FGF7: variants seen among roughly 807,000 people sequenced by gnomAD.
FGF7 encodes FGF-7.
In FGF7, 6 loss-of-function variants were observed where a neutral mutation model predicts 20.5. That is an observed-to-expected ratio of 0.29 (90% CI 0.16 to 0.58). FGF7 has a LOEUF of 0.58. FGF7 is among the 20% of genes least tolerant of loss of function. The pLI, the probability that FGF7 is intolerant of heterozygous loss-of-function variation, is 0.90. For synonymous variants in FGF7, 64 were observed against 74.7 expected, an observed-to-expected ratio of 0.86 and a Z score of 0.74; for missense variants, 144 against 228.8, an observed-to-expected ratio of 0.63 and a Z score of 2.39.
Position 49,488,676 on chromosome 15 carries a change from T to A in FGF7, c.*4172T>A, listed in dbSNP as rs559236862. 7 of 152,176 alleles carry A rather than the reference T, an allele frequency of 4.6e-5. 1 individual carries two copies. In the South Asian group the frequency reaches 1.5e-3, roughly 32 times the overall value. 9.4% of individuals were successfully genotyped at this position (152,176 alleles called of 1,614,324 possible). On this transcript the variant is annotated 3_prime_UTR_variant, in exon 4 of 4. Transcript: ENST00000267843. ...TAATAATTGAAATGTGAGATGAAAA[T>A]AACATTTCACTTATGAAAAACCCTT... is the stretch of plus-strand genomic sequence containing the variant.
At chr15:49,431,684 G>A (rs7183666) in intron 2 of FGF7, among the ~76,000 whole-genome samples, 10,178 of 151,510 alleles carry the variant, frequency 0.067, 427 homozygotes, top group East Asian at 0.17. Context: ...TAAAGAGGAA[G>A]AAAATATCTT....
intron 2 of FGF7, among the ~76,000 whole-genome samples, chr15:49,446,991 T>A (rs2052280818): frequency 6.6e-6 from 1 of 151,482 alleles, no homozygotes; most frequent in Non-Finnish European, 1.5e-5. Flanking sequence ...TTGACAGGTA[T>A]AACCAGAACA....
intron 2 of FGF7, among the ~76,000 whole-genome samples, chr15:49,425,994 TG>T (rs1217088977): frequency 4.0e-5 from 6 of 151,514 alleles, no homozygotes; most frequent in Non-Finnish European, 5.9e-5. Flanking sequence ...AGATTTATCA[TG>T]GATAATATCA....
intron 2 of FGF7, among the ~76,000 whole-genome samples, chr15:49,434,227 T>C (rs1308558450): frequency 1.3e-5 from 2 of 151,742 alleles, no homozygotes; most frequent in Non-Finnish European, 2.9e-5. Context: ...AGGTGTTACA[T>C]AGTTTCCGCC....
rs376153029 is a variant in FGF7, at chr15:49,440,842, C to G, written c.286+16259C>G. Among the ~76,000 whole-genome samples, 23 of 151,778 alleles carry G rather than the reference C, an allele frequency of 1.5e-4. No homozygotes were observed. In the South Asian group the frequency reaches 4.6e-3, roughly 30 times the overall value. On this transcript the variant is annotated intron_variant, in intron 2 of 3. Transcript: ENST00000267843. ...TTGAGTTGTTTTGTTATATAACATT[C>G]TGAAGTTGATTACTGAGGTATTATT...
At chr15:49,428,811 C>T (rs1258707597) in intron 2 of FGF7, among the ~76,000 whole-genome samples, 1 of 151,938 alleles carries the variant, frequency 6.6e-6, no homozygotes, top group Admixed American at 6.6e-5. Flanking sequence ...CTGTTAGTTC[C>T]ATAGCAAGAA....
rs79535584 is a variant in FGF7, at chr15:49,439,158, T to C, written c.286+14575T>C. Among the ~76,000 whole-genome samples, 848 of 151,682 alleles carry C rather than the reference T, an allele frequency of 5.6e-3. 6 individuals are homozygous for C. The highest frequency in any genetic ancestry group is 0.019 in the African/African-American group (808 of 41,458). On this transcript the variant is annotated intron_variant, in intron 2 of 3. Coordinates refer to ENST00000267843, the MANE Select transcript of FGF7 (RefSeq NM_002009.4). ...TCACATTGTTGTTGGCAGGCCTCTGTTTCTATCAGGCTGTTGGCCGGCAAC... is the reference window on the plus strand; with the variant it reads ...TCACATTGTTGTTGGCAGGCCTCTGCTTCTATCAGGCTGTTGGCCGGCAAC...
intron 2 of FGF7, among the ~76,000 whole-genome samples, chr15:49,447,927 T>C (rs982961799): frequency 6.6e-6 from 1 of 151,704 alleles, no homozygotes; most frequent in Admixed American, 6.6e-5. Context: ...CTCAGGCTCG[T>C]GTCCTTTAAA....
chr15:49,455,565 C>G (rs1415624701), intron 2 of FGF7, among the ~76,000 whole-genome samples: 1 of 152,066 alleles, frequency 6.6e-6, no homozygotes, highest in Admixed American at 6.6e-5. Flanking sequence ...TGGGTAGGTC[C>G]ATCGTCAGTT....
At chr15:49,478,625 T>C (rs1269294907) in intron 2 of FGF7, among the ~76,000 whole-genome samples, 1 of 152,190 alleles carries the variant, frequency 6.6e-6, no homozygotes, top group Non-Finnish European at 1.5e-5. Flanking sequence ...CAAGATTAAA[T>C]GTTCTGATTG....
At chr15:49,450,979 C>T (rs2052670896) in intron 2 of FGF7, among the ~76,000 whole-genome samples, 1 of 152,032 alleles carries the variant, frequency 6.6e-6, no homozygotes, top group African/African-American at 2.4e-5. Context: ...AATATATTTC[C>T]CTGGTCAGTG....
At chr15:49,434,914 G>A (rs1436994469) in intron 2 of FGF7, among the ~76,000 whole-genome samples, 1 of 151,292 alleles carries the variant, frequency 6.6e-6, no homozygotes, top group Non-Finnish European at 1.5e-5. Context: ...TTCCTTTAAA[G>A]GGAAATTTTA....
At chr15:49,434,871 G>A (rs1238247650) in intron 2 of FGF7, among the ~76,000 whole-genome samples, 1 of 151,220 alleles carries the variant, frequency 6.6e-6, no homozygotes, top group Non-Finnish European at 1.5e-5. Context: ...TAATAAAAAA[G>A]AGAACCAATT....
chr15:49,443,351 G>A (rs752625491), intron 2 of FGF7, among the ~76,000 whole-genome samples: 11 of 150,940 alleles, frequency 7.3e-5, no homozygotes, highest in South Asian at 2.1e-4. Context: ...AATGGTATGC[G>A]TCTGTATATT....
intron 2 of FGF7, among the ~76,000 whole-genome samples, chr15:49,470,209 A>G (rs1425898680): frequency 6.6e-6 from 1 of 151,854 alleles, no homozygotes; most frequent in Admixed American, 6.6e-5. Flanking sequence ...GAAAAACCAC[A>G]TGTGAGAATA....
At chr15:49,457,594 A>G (rs2053428014) in intron 2 of FGF7, among the ~76,000 whole-genome samples, 1 of 152,014 alleles carries the variant, frequency 6.6e-6, no homozygotes, top group Non-Finnish European at 1.5e-5. Flanking sequence ...TCAAGAGGAA[A>G]GAAAACTTGA....
chr15:49,428,197 T>A (rs532191895), intron 2 of FGF7, among the ~76,000 whole-genome samples: 4 of 151,946 alleles, frequency 2.6e-5, no homozygotes, highest in Non-Finnish European at 5.9e-5. Flanking sequence ...GATTGTGTAC[T>A]ACTGTTACCC....
intron 2 of FGF7, among the ~76,000 whole-genome samples, chr15:49,480,943 A>G (rs1406951720): frequency 6.6e-6 from 1 of 152,226 alleles, no homozygotes; most frequent in Non-Finnish European, 1.5e-5. Flanking sequence ...ATCAGTCAAC[A>G]TTTATGTTTT....
Position 49,424,177 on chromosome 15 carries a change from A to G in FGF7, c.-121A>G, listed in dbSNP as rs1597097026. On this transcript the variant is annotated 5_prime_UTR_variant, in exon 2 of 4. Transcript: ENST00000267843. ...GGCTAACAATTTGGAAAGAGCAACTACTCTTTCTTAAATCAATCTACAATT... is the reference window on the plus strand; with the variant it reads ...GGCTAACAATTTGGAAAGAGCAACTGCTCTTTCTTAAATCAATCTACAATT... 1 of 865,688 alleles carries G rather than the reference A, an allele frequency of 1.2e-6. No individual in the cohort carries two copies. The highest frequency in any genetic ancestry group is 2.5e-5 in the East Asian group (1 of 40,772). 53.6% of individuals were successfully genotyped at this position (865,688 alleles called of 1,614,324 possible). A position where few individuals can be genotyped will look rare whatever the true frequency, so the allele number is the denominator to read the frequency against.
Sources: gnomAD v4.1 joint callset for allele counts (sites outside exome capture counted in the v4.1 genomes callset) on GRCh38, gnomAD v4.1.1 for gene constraint, MANE v1.5 for transcripts, NCBI Gene and HGNC (gene_info 2026-07-23, HGNC 2026-07-21) for gene names.